PKHD1: variants seen among roughly 807,000 people sequenced by gnomAD.
PKHD1 encodes PKHD1 ciliary IPT domain containing fibrocystin/polyductin.
In PKHD1, 291 loss-of-function variants were observed where a neutral mutation model predicts 412.0. That is an observed-to-expected ratio of 0.71 (90% confidence interval 0.64 to 0.78). The LOEUF (loss-of-function observed/expected upper bound fraction) is 0.78. Among genes scored for constraint, PKHD1 ranks in the 30% least tolerant of loss-of-function variants. PKHD1 has a pLI of 0.00. For synonymous variants in PKHD1, 1,777 were observed against 1,821.5 expected (o/e 0.98, Z 0.62); for missense variants, 4,825 against 4,950.7 (o/e 0.97, Z 0.76).
At chr6:51,888,837 A>T (rs1778632557) in intron 43 of PKHD1, among the ~76,000 whole-genome samples, 1 of 149,670 alleles carries the variant, frequency 6.7e-6, no homozygotes, top group African/African-American at 2.5e-5. Context: ...CCTTCTCTTT[A>T]TCATCAGGGA....
intron 60 of PKHD1, among the ~76,000 whole-genome samples, chr6:51,739,145 TAC>T (rs1008729999): frequency 6.7e-6 from 1 of 148,450 alleles, no homozygotes; most frequent in Non-Finnish European, 1.5e-5. Context: ...AATACATACA[TAC>T]ACACATATAA....
intron 55 of PKHD1, among the ~76,000 whole-genome samples, chr6:51,757,324 T>C (rs1787187299): frequency 6.6e-6 from 1 of 152,150 alleles, no homozygotes; most frequent in Non-Finnish European, 1.5e-5. Flanking sequence ...TGGGAGTACA[T>C]ATACACGATC....
chr6:51,934,320 C>A lies in PKHD1; in HGVS notation c.5911G>T (p.Gly1971Cys). 1 of 1,609,284 alleles carries A rather than the reference C, an allele frequency of 6.2e-7. No individual in the cohort carries two copies. The highest frequency in any genetic ancestry group is 8.5e-7 in the Non-Finnish European group (1 of 1,177,132). The change falls in exon 37 of 67, where the codon GGC becomes TGC. Residue 1971 changes from glycine to cysteine, a missense_variant and splice_region_variant. Physicochemically the swap from Gly to Cys is radical, Grantham distance 159. Transcript: ENST00000371117. ...SILNLLHIKG[G>C]KLIFMAPGPI... ...CCTGGGGCCATGAAAATCAGCTTGC[C>A]CCCTAATGGACAAAGGGAAAATTGT...
intron 23 of PKHD1, 102 bp downstream of exon 23, chr6:52,048,390 A>T: frequency 8.8e-7 from 1 of 1,134,474 alleles, no homozygotes; most frequent in Non-Finnish European, 1.3e-6. Flanking sequence ...AAATAGCTTT[A>T]ATATTATCAC....
chr6:52,067,953 C>T (rs1212745295), intron 11 of PKHD1, among the ~76,000 whole-genome samples: 2 of 152,100 alleles, frequency 1.3e-5, no homozygotes, highest in Admixed American at 6.5e-5. Flanking sequence ...CTCTAGAAAC[C>T]ACTGCAGCAT....
chr6:51,827,751 G>A (rs1254289474), intron 52 of PKHD1, among the ~76,000 whole-genome samples: 1 of 152,078 alleles, frequency 6.6e-6, no homozygotes, highest in Non-Finnish European at 1.5e-5. Flanking sequence ...ACAGTTGTAT[G>A]GAACTTGACT....
At chr6:51,623,862 C>G (rs550931168) in intron 66 of PKHD1, among the ~76,000 whole-genome samples, 22 of 152,306 alleles carry the variant, frequency 1.4e-4, no homozygotes, top group Admixed American at 1.3e-3. Flanking sequence ...GCTGGGATTA[C>G]AGGTGTGAGC....
At chr6:51,748,760 A>G in intron 57 of PKHD1, 95 bp from the exon 58 acceptor site, 1 of 995,610 alleles carries the variant, frequency 1.0e-6, no homozygotes, top group African/African-American at 1.6e-5. Context: ...AACATTTTTA[A>G]TGAAAATGTA....
intron 37 of PKHD1, among the ~76,000 whole-genome samples, chr6:51,918,697 T>G (rs1784215501): frequency 6.6e-6 from 1 of 152,218 alleles, no homozygotes; most frequent in Non-Finnish European, 1.5e-5. Flanking sequence ...TATAATCCTT[T>G]GGGTATATAC....
chr6:51,834,157 T>TA (rs1215751863), intron 51 of PKHD1, among the ~76,000 whole-genome samples: 6 of 152,230 alleles, frequency 3.9e-5, no homozygotes, highest in Admixed American at 2.6e-4. Flanking sequence ...TCCACAAATT[T>TA]GTTTTGTTTT....
chr6:51,731,269 C>T (rs985984455), intron 60 of PKHD1, among the ~76,000 whole-genome samples: 4 of 152,052 alleles, frequency 2.6e-5, no homozygotes, highest in African/African-American at 9.7e-5. Context: ...ATAGAAAATA[C>T]AGAGCCAGTT....
Position 52,022,936 on chromosome 6 carries a change from C to A in PKHD1, c.5245G>T (p.Gly1749Cys). ...CCAAACACATGCACCAGCCTTCCAC[C>A]CAGGCAGCCTTTAAAGACAAAGGTA... is the stretch of plus-strand genomic sequence containing the variant. ...TAVTENFGCL[G>C]GRLVHVFGAG... The change falls in exon 33 of 67, where the codon GGT (glycine) becomes TGT (cysteine). Residue 1749 changes from glycine (G) to cysteine (C), a missense_variant. Physicochemically the swap from Gly to Cys is radical, Grantham distance 159 (BLOSUM62 -3). Coordinates refer to ENST00000371117, the MANE Select transcript of PKHD1 (RefSeq NM_138694.4). 6.2e-7 allele frequency: 1 copy of A among 1,614,104 alleles called. No individual in the cohort carries two copies. The highest frequency in any genetic ancestry group is 8.5e-7 in the Non-Finnish European group (1 of 1,180,026).
intron 61 of PKHD1, among the ~76,000 whole-genome samples, chr6:51,656,725 A>T (rs1042505515): frequency 2.0e-5 from 3 of 150,950 alleles, no homozygotes; most frequent in African/African-American, 7.3e-5. Flanking sequence ...TAGTGGCATA[A>T]TCTCAGCTCA....
intron 35 of PKHD1, among the ~76,000 whole-genome samples, chr6:51,996,553 C>T (rs959972562): frequency 1.1e-4 from 16 of 152,224 alleles, no homozygotes; most frequent in African/African-American, 3.1e-4. Flanking sequence ...TAAAGTCCTG[C>T]GGGCCACTGA....
intron 36 of PKHD1, among the ~76,000 whole-genome samples, chr6:51,937,346 G>A (rs1323593083): frequency 6.6e-6 from 1 of 152,054 alleles, no homozygotes. Flanking sequence ...GACCATCTTG[G>A]GCACATGTAC....
At chr6:51,780,335 G>A (rs4263578) in intron 53 of PKHD1, among the ~76,000 whole-genome samples, 88,647 of 151,124 alleles carry the variant, frequency 0.59, 26,721 homozygotes, top group East Asian at 0.83. Flanking sequence ...GCAGTGAGCC[G>A]AGATCGCACC....
At chr6:51,831,381 C>A (rs1768216443) in intron 51 of PKHD1, among the ~76,000 whole-genome samples, 1 of 152,058 alleles carries the variant, frequency 6.6e-6, no homozygotes. Flanking sequence ...ATATCAAATC[C>A]TGTTCTTATT....
At chr6:51,716,189 A>C (rs1280068094) in intron 60 of PKHD1, among the ~76,000 whole-genome samples, 3 of 152,226 alleles carry the variant, frequency 2.0e-5, no homozygotes, top group Non-Finnish European at 4.4e-5. Flanking sequence ...AGAAGACCAA[A>C]AGCTAGAATG....
chr6:51,910,768 C>T (rs1223535468), intron 39 of PKHD1, among the ~76,000 whole-genome samples: 1 of 152,058 alleles, frequency 6.6e-6, no homozygotes, highest in African/African-American at 2.4e-5. Context: ...TGGAAGTGAA[C>T]CCACTGTTAT....
Sources: allele counts gnomAD v4.1 joint callset (sites outside exome capture counted in the v4.1 genomes callset), GRCh38; gene constraint gnomAD v4.1.1; transcripts MANE v1.5; gene names NCBI Gene and HGNC (gene_info 2026-07-23, HGNC 2026-07-21).